The following VGLL4 variants were observed in gnomAD, a reference collection of about 807,000 sequenced individuals.
VGLL4 encodes transcription cofactor vestigial-like protein 4.
A neutral mutation model predicts 21.0 loss-of-function variants in VGLL4; 7 were observed. That is an observed-to-expected ratio of 0.33 (90% confidence interval 0.19 to 0.63). VGLL4 has a LOEUF of 0.63. VGLL4 is among the 20% of genes least tolerant of loss of function. The pLI is 0.78. For missense variants in VGLL4, 394 were observed against 425.7 expected (o/e 0.93, Z 0.66); for synonymous variants, 222 against 173.2 (o/e 1.28, Z -2.21).
At chr3:11,578,835 C>T (rs991075085) in intron 2 of VGLL4, among the ~76,000 whole-genome samples, 6 of 144,832 alleles carry the variant, frequency 4.1e-5, no homozygotes, top group Admixed American at 3.6e-4. Flanking sequence ...TCGCAAGCTC[C>T]ACCTCCCAGG....
At chr3:11,712,533 A>T (rs1418012969) in intron 1 of VGLL4, among the ~76,000 whole-genome samples, 3 of 152,190 alleles carry the variant, frequency 2.0e-5, no homozygotes, top group African/African-American at 7.2e-5. Context: ...ACTTAGGCCA[A>T]ATGGCCAAAT....
At chr3:11,596,716 C>T (rs938890662) in intron 2 of VGLL4, among the ~76,000 whole-genome samples, 2 of 152,144 alleles carry the variant, frequency 1.3e-5, no homozygotes, top group African/African-American at 4.8e-5. Flanking sequence ...GGCTACTAAG[C>T]TTGAAATGTG....
In VGLL4 at chr3:11,665,350, T is replaced by C. The variant is rs565328886; in HGVS notation, c.64+37621A>G. On this transcript the variant is annotated intron_variant, in intron 2 of 5. Transcript: ENST00000273038. ...GGATGGTCTCGATCTCCTGACCTCG[T>C]GATCCGCCAGCCTCGGCCTCCCAAA... is the stretch of plus-strand genomic sequence containing the variant. Among the ~76,000 whole-genome samples, 40 of 152,260 alleles carry C rather than the reference T, an allele frequency of 2.6e-4. No individual in the cohort carries two copies. In the South Asian group the frequency reaches 7.0e-3, roughly 27 times the overall value.
At chr3:11,573,245 GAGAAAGAAAGAA>G (rs777365240) in intron 2 of VGLL4, among the ~76,000 whole-genome samples, 1,242 of 78,682 alleles carry the variant, frequency 0.016, 36 homozygotes, top group Middle Eastern at 0.031. Context: ...AAAAGAAATA[GAGAAAGAAAGAA>G]AGAAAGAAAG....
intron 1 of VGLL4, among the ~76,000 whole-genome samples, chr3:11,603,886 T>C (rs2074866000): frequency 6.6e-6 from 1 of 152,164 alleles, no homozygotes; most frequent in African/African-American, 2.4e-5. Flanking sequence ...CAGCATACAC[T>C]GTGACGCGGA....
intron 2 of VGLL4, among the ~76,000 whole-genome samples, chr3:11,574,792 T>C (rs1163831946): frequency 2.0e-5 from 2 of 99,544 alleles, no homozygotes; most frequent in African/African-American, 9.1e-5. Flanking sequence ...TATATGTGTG[T>C]GTGTGTGTGT....
At chr3:11,559,625 AGT>A (rs1434815207) in intron 3 of VGLL4, among the ~76,000 whole-genome samples, 170 bp from the exon 4 acceptor site, 1 of 152,198 alleles carries the variant, frequency 6.6e-6, no homozygotes, top group Non-Finnish European at 1.5e-5. Flanking sequence ...CAATCCACAG[AGT>A]GAGCGCAGCT....
chr3:11,671,356 G>T, intron 2 of VGLL4: 1 of 1,188,642 alleles, frequency 8.4e-7, no homozygotes, highest in Non-Finnish European at 1.2e-6. Flanking sequence ...CCGCAGCGAG[G>T]ACTACGATTC....
At chr3:11,644,013 G>T (rs1006455035), upstream of VGLL4, 1 of 983,800 alleles carries the variant, frequency 1.0e-6, no homozygotes, top group Non-Finnish European at 1.2e-6. Flanking sequence ...TTCTGCACAG[G>T]ATCAGCCTCT....
intron 2 of VGLL4, chr3:11,671,280 G>A (rs570697157): frequency 1.9e-6 from 3 of 1,597,572 alleles, no homozygotes; most frequent in African/African-American, 1.3e-5. Context: ...AGACCTGGAT[G>A]TCTCCAACTT....
upstream of VGLL4, among the ~76,000 whole-genome samples, chr3:11,647,989 T>TA (rs11408793): frequency 0.35 from 51,777 of 147,258 alleles, 9,845 homozygotes; most frequent in South Asian, 0.56. Context: ...AGCTCATCCA[T>TA]AAAAAAAAAA....
chr3:11,602,131 A>C (rs578122024), intron 1 of VGLL4, 109 bp from the exon 2 acceptor site: 2 of 1,153,992 alleles, frequency 1.7e-6, no homozygotes, highest in Non-Finnish European at 2.3e-6. Flanking sequence ...CTCCCAGTGG[A>C]AAGTTTTTGG....
chr3:11,688,167 C>T (rs1003259965), intron 2 of VGLL4, among the ~76,000 whole-genome samples: 22 of 152,120 alleles, frequency 1.4e-4, no homozygotes, highest in Non-Finnish European at 2.4e-4. Context: ...GGATATGTTA[C>T]TCTTTCAATA....
intron 2 of VGLL4, among the ~76,000 whole-genome samples, chr3:11,657,284 C>G (rs776691898): frequency 6.6e-6 from 1 of 152,128 alleles, no homozygotes; most frequent in Non-Finnish European, 1.5e-5. Flanking sequence ...CCATTCACTG[C>G]AATCTCAAGA....
At chr3:11,659,928 C>T (rs917016121) in intron 2 of VGLL4, among the ~76,000 whole-genome samples, 6 of 151,932 alleles carry the variant, frequency 3.9e-5, no homozygotes, top group East Asian at 2.0e-4. Flanking sequence ...TTTGGGAGGC[C>T]GAGACTAGTG....
At chr3:11,720,089 C>G (rs2076973639) in intron 1 of VGLL4, among the ~76,000 whole-genome samples, 1 of 152,110 alleles carries the variant, frequency 6.6e-6, no homozygotes, top group Non-Finnish European at 1.5e-5. Flanking sequence ...GGGGACAGCG[C>G]ACGGGACGCC....
chr3:11,650,131 C>T (rs2075849261), intron 2 of VGLL4, among the ~76,000 whole-genome samples: 1 of 152,082 alleles, frequency 6.6e-6, no homozygotes, highest in Admixed American at 6.6e-5. Context: ...GACAGGTTCT[C>T]ACTGTGTTAC....
At chr3:11,703,729 T>C (rs2076716934) in intron 1 of VGLL4, among the ~76,000 whole-genome samples, 1 of 152,218 alleles carries the variant, frequency 6.6e-6, no homozygotes, top group African/African-American at 2.4e-5. Flanking sequence ...TTTACCCAGT[T>C]TCCCTTTTCT....
At chr3:11,622,710 C>T (rs962656049) in intron 1 of VGLL4, among the ~76,000 whole-genome samples, 2 of 152,190 alleles carry the variant, frequency 1.3e-5, no homozygotes, top group Non-Finnish European at 2.9e-5. Context: ...GTTCTCTAGG[C>T]CCCTTATTCT....
Sources: gnomAD v4.1 joint callset for allele counts (sites outside exome capture counted in the v4.1 genomes callset) on GRCh38, gnomAD v4.1.1 for gene constraint, MANE v1.5 for transcripts, NCBI Gene and HGNC (gene_info 2026-07-23, HGNC 2026-07-21) for gene names.